CTC1: variants seen among roughly 807,000 people sequenced by gnomAD.
CTC1 encodes the protein CST complex subunit CTC1.
A neutral mutation model predicts 136.3 loss-of-function variants in CTC1; 91 were observed. That is an observed-to-expected ratio of 0.67 (90% CI 0.56 to 0.79). The LOEUF (loss-of-function observed/expected upper bound fraction) is 0.79, where lower values mean the gene tolerates loss of function less well. Ranked by LOEUF, CTC1 falls within the 30% of genes least tolerant of loss-of-function variation. The pLI is 0.00. For synonymous variants in CTC1, 606 were observed against 613.8 expected (o/e 0.99, Z 0.19); for missense variants, 1,432 against 1,498.1 (o/e 0.96, Z 0.73).
chr17:8,244,274 GT>G (rs1388223511), intron 1 of CTC1, among the ~76,000 whole-genome samples: 1 of 152,114 alleles, frequency 6.6e-6, no homozygotes, highest in Non-Finnish European at 1.5e-5. Context: ...TTCAGCTAAG[GT>G]GTGGGCTTCC....
intron 2 of CTC1, among the ~76,000 whole-genome samples, chr17:8,239,182 G>A (rs946380691): frequency 6.6e-6 from 1 of 152,108 alleles, no homozygotes; most frequent in East Asian, 1.9e-4. Flanking sequence ...GATGGTGCCA[G>A]GGAGAGGACC....
In CTC1 at chr17:8,238,601, G is replaced by T; in HGVS notation, c.226C>A (p.His76Asn). 1.2e-6 allele frequency: 2 copies of T among 1,611,512 alleles called. No homozygotes were observed. Among genetic ancestry groups the T allele is most frequent in the Non-Finnish European group, 1.7e-6 (2 of 1,178,634 alleles). Residue 76 changes from histidine (H) to asparagine (N), a missense_variant, in exon 3 of 23, where the codon CAC (histidine) becomes AAC (asparagine). His to Asn is a moderately conservative substitution (Grantham distance 68). Coordinates refer to ENST00000651323, the MANE Select transcript of CTC1 (RefSeq NM_025099.6). ...TGGCTGCAGCATGGGAGACGCTGGT[G>T]AGTCTTGAGGTCCTGTACTGAGACG... Reference protein sequence around the residue: ...SFVSVQDLKTHQRLPCCSHLS... With the variant: ...SFVSVQDLKTNQRLPCCSHLS...
rs1986705211 is a variant in CTC1, at chr17:8,226,648, A to G, written c.*1532T>C. On this transcript the variant is annotated 3_prime_UTR_variant, in exon 23 of 23. Transcript: ENST00000651323. ...ATTCGAACCTGCGCGGGGAGACCCC[A>G]ATGGATTTCTAGTCCATCGCCTTAA... The G allele has an allele frequency of 6.6e-6, 1 of 152,242 alleles. No individual in the cohort carries two copies. The highest frequency in any genetic ancestry group is 1.5e-5 in the Non-Finnish European group (1 of 68,048). 9.4% of individuals were successfully genotyped at this position (152,242 alleles called of 1,614,324 possible). A position where few individuals can be genotyped will look rare whatever the true frequency, so the allele number is the denominator to read the frequency against.
Position 8,236,341 on chromosome 17 carries a change from A to T in CTC1, c.794T>A (p.Val265Asp), listed in dbSNP as rs1987726853. Residue 265 changes from valine to aspartate, a missense_variant and splice_region_variant, in exon 6 of 23, where the codon GTC (valine) becomes GAC (aspartate). By Grantham distance (152) the Val-to-Asp change is radical. Transcript: ENST00000651323. ...TCTGTGCCACACCAGCTGGGCAGGG[A>T]CCTGGCTTGTGCAGAGACAGGCAAT... ...AVTHVSIIVQ[V>D]PAQLVWHRAL... The T allele has an allele frequency of 6.2e-6, 10 of 1,604,198 alleles. No individual in the cohort carries two copies. The highest frequency in any genetic ancestry group is 8.5e-6 in the Non-Finnish European group (10 of 1,179,086).
intron 17 of CTC1, 145 bp from the exon 18 acceptor site, chr17:8,230,113 A>C (rs1987084251): frequency 1.0e-6 from 1 of 982,198 alleles, no homozygotes; most frequent in Admixed American, 2.2e-5. Flanking sequence ...CTAGGGGAAG[A>C]CTAGGAGGAG....
intron 11 of CTC1, 145 bp downstream of exon 11, chr17:8,232,761 C>T: frequency 9.3e-7 from 1 of 1,081,020 alleles, no homozygotes; most frequent in Non-Finnish European, 1.4e-6. Context: ...TCTCTGCCTG[C>T]CATACAAGTC....
chr17:8,230,080 T>A lies in CTC1; in HGVS notation c.2934-112A>T, dbSNP rs1471379018. 8.2e-6 allele frequency: 9 copies of A among 1,094,138 alleles called. No individual in the cohort carries two copies. The Admixed American group carries it at 9.8e-5, about 12-fold the overall frequency. 67.8% of individuals were successfully genotyped at this position (1,094,138 alleles called of 1,614,324 possible). A position where few individuals can be genotyped will look rare whatever the true frequency, so the allele number is the denominator to read the frequency against. On this transcript the variant is annotated intron_variant, in intron 17 of 22. Coordinates refer to ENST00000651323, the MANE Select transcript of CTC1 (RefSeq NM_025099.6). ...GTGGCCACTCCCCCTGAGGGACATA[T>A]CCTAGCCATGGCTCTACCAAAGCTA...
chr17:8,247,801 G>T, intron 1 of CTC1: 1 of 608,098 alleles, frequency 1.6e-6, no homozygotes, highest in Non-Finnish European at 3.0e-6. Context: ...CCAGTTTAAG[G>T]CTCACAGCGG....
Position 8,230,065 on chromosome 17 carries a change from C to G in CTC1, c.2934-97G>C, listed in dbSNP as rs548917325. ...ATCAAGCACCACAGAGTGGCCACTC[C>G]CCCTGAGGGACATATCCTAGCCATG... On this transcript the variant is annotated intron_variant, in intron 17 of 22. Transcript: ENST00000651323. 27 of 1,194,160 alleles carry G rather than the reference C, an allele frequency of 2.3e-5. 2 individuals are homozygous for G. The Middle Eastern group carries it at 5.8e-4, about 25-fold the overall frequency. 74.0% of individuals were successfully genotyped at this position (1,194,160 alleles called of 1,614,324 possible). A position where few individuals can be genotyped will look rare whatever the true frequency, so the allele number is the denominator to read the frequency against.
intron 16 of CTC1, 28 bp downstream of exon 16, chr17:8,230,535 A>G (rs1487371008): frequency 4.3e-6 from 7 of 1,613,274 alleles, no homozygotes; most frequent in Non-Finnish European, 5.9e-6. Flanking sequence ...TCTATTTCAT[A>G]CCTTCCCCAC....
Position 8,245,465 on chromosome 17 carries a change from C to T in CTC1, c.34-2317G>A, listed in dbSNP as rs62063137. On this transcript the variant is annotated intron_variant, in intron 1 of 22. Transcript: ENST00000651323. ...TGCCCCACCAGTATAAGCAAAGTTCCGACTCTCACGCTTTTTGTCTTCCTC... is the reference window on the plus strand; with the variant it reads ...TGCCCCACCAGTATAAGCAAAGTTCTGACTCTCACGCTTTTTGTCTTCCTC... Among the ~76,000 whole-genome samples, 1,457 of 152,040 alleles carry T rather than the reference C, an allele frequency of 9.6e-3. 15 individuals carry two copies. The highest frequency in any genetic ancestry group is 0.015 in the Non-Finnish European group (1,008 of 67,990).
At chr17:8,246,138 T>C (rs1988673981) in intron 1 of CTC1, among the ~76,000 whole-genome samples, 1 of 148,524 alleles carries the variant, frequency 6.7e-6, no homozygotes, top group African/African-American at 2.5e-5. Flanking sequence ...CCCAGGGAGG[T>C]TGAGGCTGCA....
rs1335441909 is a variant in CTC1 at position 8,234,919 on chromosome 17, G to C, written c.1447C>G (p.Pro483Ala). The stretch of plus-strand genomic sequence containing the variant: ...AACTGGTGGTGTCTCAGCACATGGG[G>C]ACACAGCCTTGGCCAGGAAAAGCAG... ...ALEELACKLC[P>A]HVLRHHQFLQ... The change falls in exon 9 of 23, where the codon CCC (proline) becomes GCC (alanine). Residue 483 changes from proline to alanine, a missense_variant. Transcript: ENST00000651323. 1.2e-6 allele frequency: 2 copies of C among 1,600,926 alleles called. No homozygotes were observed. The highest frequency in any genetic ancestry group is 1.7e-6 in the Non-Finnish European group (2 of 1,173,036).
Position 8,232,924 on chromosome 17 carries a change from T to G in CTC1, c.1927A>C (p.Ser643Arg). The G allele has an allele frequency of 1.2e-6, 2 of 1,614,048 alleles. No individual in the cohort carries two copies. The highest frequency in any genetic ancestry group is 1.7e-6 in the Non-Finnish European group (2 of 1,179,958). ...LLLAKHSQPL[S>R]DPRLIGCLVR... is the part of the protein sequence containing the mutation. The stretch of plus-strand genomic sequence containing the variant: ...TCCAAACCTATCAGCCGTGGGTCAC[T>G]GAGGGGTTGAGAGTGCTTGGCCAGG... The change falls in exon 11 of 23, where the codon AGT becomes CGT. Residue 643 changes from serine to arginine, a missense_variant. By Grantham distance (110) the Ser-to-Arg change is moderately radical. Transcript: ENST00000651323.
intron 9 of CTC1, 40 bp from the exon 10 acceptor site, chr17:8,234,695 G>A: frequency 6.3e-7 from 1 of 1,585,202 alleles, no homozygotes; most frequent in South Asian, 1.2e-5. Context: ...GTGTCCCATG[G>A]GCCCCAGGTG....
intron 17 of CTC1, 143 bp downstream of exon 17, chr17:8,230,151 A>G: frequency 2.0e-6 from 2 of 981,572 alleles, no homozygotes; most frequent in Non-Finnish European, 3.0e-6. Flanking sequence ...TCGTGAGGGT[A>G]CTGGCTGGGC....
intron 13 of CTC1, 27 bp downstream of exon 13, chr17:8,231,876 T>A (rs1567603219): frequency 6.2e-7 from 1 of 1,613,184 alleles, no homozygotes; most frequent in East Asian, 2.2e-5. Context: ...GCAGGTCAGG[T>A]CCTGGGTCCC....
At chr17:8,244,497 T>C (rs908194938) in intron 1 of CTC1, among the ~76,000 whole-genome samples, 1 of 152,146 alleles carries the variant, frequency 6.6e-6, no homozygotes, top group Non-Finnish European at 1.5e-5. Context: ...AATGCTCATA[T>C]ATTAACATCC....
rs1988414468 is a variant in CTC1 at position 8,243,144 on chromosome 17, T to C, written c.38A>G (p.Gln13Arg). 2 of 1,612,460 alleles carry C rather than the reference T, an allele frequency of 1.2e-6. No individual in the cohort carries two copies. Among genetic ancestry groups the C allele is most frequent in the Non-Finnish European group, 1.7e-6 (2 of 1,179,366 alleles). The change falls in exon 2 of 23, where the codon CAA (glutamine) becomes CGA (arginine). Residue 13 changes from glutamine (Q) to arginine (R), a missense_variant. Gln to Arg is a conservative substitution (Grantham distance 43). Transcript: ENST00000651323. ...AGRAQVPSSEQAWLEDAQVFI... is the reference protein window; with the variant it reads ...AGRAQVPSSERAWLEDAQVFI... ...GACCTGAGCATCCTCAAGCCAGGCT[T>C]GTTCCTGAGGAAAGTGAATTTAGTT...
Sources: allele counts gnomAD v4.1 joint callset (sites outside exome capture counted in the v4.1 genomes callset), GRCh38; gene constraint gnomAD v4.1.1; transcripts MANE v1.5; gene names NCBI Gene and HGNC (gene_info 2026-07-23, HGNC 2026-07-21).